Variants in ADGRL2 observed in about 807,000 individuals in gnomAD.
ADGRL2 encodes adhesion G protein-coupled receptor L2.
Under a neutral mutation model 157.4 loss-of-function variants are expected in ADGRL2, and 44 were observed. The observed-to-expected ratio is 0.28, with a 90% CI of 0.22 to 0.36. The LOEUF is 0.36. Among genes scored for constraint, ADGRL2 ranks in the 10% least tolerant of loss-of-function variants. The probability of loss-of-function intolerance (pLI) is 1.00; values close to 1 mark genes in which losing one functional copy is unlikely to be tolerated. For synonymous variants in ADGRL2, 585 were observed against 624.7 expected, an observed-to-expected ratio of 0.94 and a Z score of 0.95; for missense variants, 1,510 against 1,768.9, an observed-to-expected ratio of 0.85 and a Z score of 2.63.
chr1:81,307,856 T>A (rs1446256458), intron 1 of ADGRL2, among the ~76,000 whole-genome samples: 1 of 149,418 alleles, frequency 6.7e-6, no homozygotes, highest in African/African-American at 2.5e-5. Flanking sequence ...TAAAAAAAAA[T>A]GCGCCTTGAT....
At position 81,986,881 on chromosome 1, in the gene ADGRL2, G is replaced by GC; in HGVS notation, c.3509-20_3509-19insC. ...ATGTACTTTTCTCTGTTTTTTTGTT[G>GC]TTTTTTTTTTTTACTTTAGGAATGA... On this transcript the variant is annotated intron_variant, in intron 21 of 23. Transcript: ENST00000686636. The GC allele has an allele frequency of 8.4e-7, 1 of 1,195,970 alleles. No individual in the cohort carries two copies. 74.1% of individuals were successfully genotyped at this position (1,195,970 alleles called of 1,614,324 possible). A position where few individuals can be genotyped will look rare whatever the true frequency, so the allele number is the denominator to read the frequency against.
intron 2 of ADGRL2, among the ~76,000 whole-genome samples, chr1:81,560,328 T>C (rs2080410902): frequency 6.6e-6 from 1 of 152,210 alleles, no homozygotes; most frequent in Non-Finnish European, 1.5e-5. Context: ...GAGTTACTTA[T>C]CCTTTCTCTG....
At chr1:81,409,274 C>T (rs58603473) in intron 1 of ADGRL2, among the ~76,000 whole-genome samples, 28,922 of 133,012 alleles carry the variant, frequency 0.22, 2,861 homozygotes, top group African/African-American at 0.28. Flanking sequence ...ACACCTCCTA[C>T]CTCTGGAAGG....
At chr1:81,914,757 T>G (rs1291450608) in intron 3 of ADGRL2, among the ~76,000 whole-genome samples, 1 of 152,224 alleles carries the variant, frequency 6.6e-6, no homozygotes, top group Non-Finnish European at 1.5e-5. Flanking sequence ...TAACTGGTAT[T>G]ACAAGCACAT....
At chr1:81,954,715 T>A (rs1652920106) in intron 10 of ADGRL2, among the ~76,000 whole-genome samples, 1 of 152,138 alleles carries the variant, frequency 6.6e-6, no homozygotes, top group Non-Finnish European at 1.5e-5. Flanking sequence ...GGAAGTATCT[T>A]CCACCTGCCA....
chr1:81,812,681 CA>C (rs768397605), intron 1 of ADGRL2, among the ~76,000 whole-genome samples: 2 of 151,832 alleles, frequency 1.3e-5, no homozygotes, highest in East Asian at 1.9e-4. Flanking sequence ...CTAAACATAT[CA>C]AAGTGTATTA....
intron 3 of ADGRL2, among the ~76,000 whole-genome samples, chr1:81,688,556 A>G (rs2083274974): frequency 6.6e-6 from 1 of 152,034 alleles, no homozygotes; most frequent in Non-Finnish European, 1.5e-5. Flanking sequence ...ATTTCCTTGA[A>G]TATTCCTCTC....
chr1:81,553,514 G>A (rs2080200756), intron 2 of ADGRL2, among the ~76,000 whole-genome samples: 2 of 152,080 alleles, frequency 1.3e-5, no homozygotes, highest in African/African-American at 4.8e-5. Context: ...GTATTAGAGG[G>A]TACTGTTGTT....
chr1:81,416,537 A>T (rs949302489), intron 1 of ADGRL2, among the ~76,000 whole-genome samples: 2 of 152,180 alleles, frequency 1.3e-5, no homozygotes, highest in Admixed American at 6.5e-5. Context: ...TTAAATAATC[A>T]GTTTCCTTTG....
intron 1 of ADGRL2, among the ~76,000 whole-genome samples, chr1:81,384,804 T>C (rs2076406162): frequency 6.6e-6 from 1 of 152,158 alleles, no homozygotes; most frequent in African/African-American, 2.4e-5. Flanking sequence ...CATTTCATTA[T>C]GTAGCTGGTA....
intron 1 of ADGRL2, among the ~76,000 whole-genome samples, chr1:81,440,964 T>A (rs1220261425): frequency 1.3e-5 from 2 of 152,218 alleles, no homozygotes; most frequent in Non-Finnish European, 2.9e-5. Context: ...AGCTTTAGAC[T>A]AAGCTTAAAC....
intron 3 of ADGRL2, among the ~76,000 whole-genome samples, chr1:81,632,894 T>C (rs950862194): frequency 6.6e-5 from 10 of 152,160 alleles, no homozygotes; most frequent in Non-Finnish European, 1.0e-4. Context: ...GGGATGGAAG[T>C]CATTGGAGGG....
chr1:81,739,019 T>G (rs2084989204), intron 1 of ADGRL2, among the ~76,000 whole-genome samples: 1 of 152,224 alleles, frequency 6.6e-6, no homozygotes, highest in Non-Finnish European at 1.5e-5. Context: ...TGGGTGCTTT[T>G]GCTTTTAGAA....
At position 81,877,669 on chromosome 1, in the gene ADGRL2, G is replaced by T. The variant is rs1011695495; in HGVS notation, c.74-29348G>T. On this transcript the variant is annotated intron_variant, in intron 2 of 23. Coordinates refer to ENST00000686636, the MANE Select transcript of ADGRL2 (RefSeq NM_001366006.2). The stretch of plus-strand genomic sequence containing the variant: ...ACAATACGTGGCTTTTTTTGGGGAG[G>T]GGGGAGGTTGTTGTTTGCTTTAAGA... 2.7e-5 allele frequency among the ~76,000 whole-genome samples: 4 copies of T among 149,116 alleles called. No homozygotes were observed. In the East Asian group the frequency reaches 8.0e-4, roughly 30 times the overall value.
chr1:81,514,381 A>G (rs2079135700), intron 2 of ADGRL2, among the ~76,000 whole-genome samples: 1 of 152,198 alleles, frequency 6.6e-6, no homozygotes, highest in African/African-American at 2.4e-5. Flanking sequence ...AAAACAGTCC[A>G]GTGCAACTGA....
intron 2 of ADGRL2, among the ~76,000 whole-genome samples, chr1:81,545,435 C>G (rs558869811): frequency 1.2e-4 from 18 of 152,082 alleles, no homozygotes; most frequent in Non-Finnish European, 2.5e-4. Context: ...CATGCACCAC[C>G]ATGCCAGGCT....
At chr1:81,899,917 G>A (rs191512905) in intron 2 of ADGRL2, among the ~76,000 whole-genome samples, 2 of 152,144 alleles carry the variant, frequency 1.3e-5, no homozygotes, top group East Asian at 3.9e-4. Flanking sequence ...ATACCATAAC[G>A]ATGTTCTTTA....
intron 15 of ADGRL2, 91 bp from the exon 16 acceptor site, chr1:81,970,223 T>A: frequency 1.2e-6 from 1 of 839,336 alleles, no homozygotes; most frequent in Non-Finnish European, 2.0e-6. Flanking sequence ...GAAATAATAG[T>A]GATTTCTCTT....
chr1:81,907,361 C>T, intron 3 of ADGRL2, 131 bp downstream of exon 3: 1 of 679,596 alleles, frequency 1.5e-6, no homozygotes, highest in Non-Finnish European at 2.6e-6. Context: ...GGGTTTTTAC[C>T]TACTAATGTT....
Sources: allele counts gnomAD v4.1 joint callset (sites outside exome capture counted in the v4.1 genomes callset), GRCh38; gene constraint gnomAD v4.1.1; transcripts MANE v1.5; gene names NCBI Gene and HGNC (gene_info 2026-07-23, HGNC 2026-07-21).